Variants in MGAT4C observed in about 807,000 individuals in gnomAD.
MGAT4C encodes MGAT4 family member C.
In MGAT4C, 19 loss-of-function variants were observed where a neutral mutation model predicts 40.1. The observed-to-expected ratio is 0.47, with a 90% confidence interval of 0.33 to 0.70. MGAT4C has a LOEUF of 0.70. Ranked by LOEUF, MGAT4C falls within the 30% of genes least tolerant of loss-of-function variation. The probability of loss-of-function intolerance (pLI) is 0.02; values close to 1 mark genes in which losing one functional copy is unlikely to be tolerated. For missense variants in MGAT4C, 491 were observed against 563.2 expected, an observed-to-expected ratio of 0.87 and a Z score of 1.30; for synonymous variants, 181 against 187.1, an observed-to-expected ratio of 0.97 and a Z score of 0.27.
intron 1 of MGAT4C, among the ~76,000 whole-genome samples, chr12:86,122,601 A>G (rs1162058754): frequency 6.6e-6 from 1 of 152,162 alleles, no homozygotes; most frequent in African/African-American, 2.4e-5. Context: ...ATGAAAGTAA[A>G]CATTATACTA....
intron 1 of MGAT4C, among the ~76,000 whole-genome samples, chr12:86,739,028 C>T (rs943408610): frequency 4.2e-5 from 6 of 142,352 alleles, no homozygotes; most frequent in Non-Finnish European, 6.1e-5. Flanking sequence ...AAATGATTGT[C>T]GTTAGGGTAT....
intron 1 of MGAT4C, among the ~76,000 whole-genome samples, chr12:86,759,533 CCTTA>C (rs1443573882): frequency 6.6e-6 from 1 of 152,186 alleles, no homozygotes; most frequent in East Asian, 1.9e-4. Context: ...TTCTCCACAT[CCTTA>C]CTAACACTTG....
At chr12:86,794,673 T>C (rs1952081207) in intron 1 of MGAT4C, among the ~76,000 whole-genome samples, 1 of 152,040 alleles carries the variant, frequency 6.6e-6, no homozygotes, top group South Asian at 2.1e-4. Flanking sequence ...TGTTTGGAAG[T>C]ATTCTCTGAG....
chr12:86,023,762 A>G (rs1161592122), intron 2 of MGAT4C, among the ~76,000 whole-genome samples: 1 of 151,640 alleles, frequency 6.6e-6, no homozygotes, highest in Admixed American at 6.6e-5. Context: ...AATTGACTAT[A>G]ATATTTGCAT....
chr12:86,633,939 A>C (rs1478839899), intron 2 of MGAT4C, among the ~76,000 whole-genome samples: 2 of 152,062 alleles, frequency 1.3e-5, no homozygotes, highest in Non-Finnish European at 2.9e-5. Context: ...CGCAATGGGC[A>C]ACAGGTGAAA....
At chr12:86,668,990 G>A (rs934963030) in intron 2 of MGAT4C, among the ~76,000 whole-genome samples, 2 of 151,982 alleles carry the variant, frequency 1.3e-5, no homozygotes, top group Non-Finnish European at 2.9e-5. Context: ...ATAGATCATG[G>A]CACAGATCTT....
intron 1 of MGAT4C, among the ~76,000 whole-genome samples, chr12:86,831,314 G>T (rs562379804): frequency 6.6e-6 from 1 of 151,712 alleles, no homozygotes; most frequent in African/African-American, 2.4e-5. Context: ...TATGTAGAGG[G>T]AGGGTGTCAG....
chr12:86,229,180 C>T (rs1951215502), intron 1 of MGAT4C, among the ~76,000 whole-genome samples: 1 of 151,746 alleles, frequency 6.6e-6, no homozygotes, highest in Non-Finnish European at 1.5e-5. Flanking sequence ...TAGCTGTTCT[C>T]TCTCAATGAT....
chr12:86,697,248 C>T (rs1950275478), intron 2 of MGAT4C, among the ~76,000 whole-genome samples: 1 of 151,900 alleles, frequency 6.6e-6, no homozygotes, highest in Non-Finnish European at 1.5e-5. Context: ...AATATTTCTC[C>T]CTGTTTGTAG....
At chr12:86,404,026 T>G (rs1956418227) in intron 3 of MGAT4C, among the ~76,000 whole-genome samples, 2 of 152,254 alleles carry the variant, frequency 1.3e-5, no homozygotes, top group South Asian at 4.1e-4. Context: ...GACTGTACAT[T>G]AAAACCTTTC....
At chr12:86,366,128 G>A (rs1356913436) in intron 3 of MGAT4C, among the ~76,000 whole-genome samples, 1 of 152,012 alleles carries the variant, frequency 6.6e-6, no homozygotes, top group Non-Finnish European at 1.5e-5. Context: ...GAATTCCCAG[G>A]TATTTCATTT....
At chr12:86,197,458 C>T (rs929338807) in intron 1 of MGAT4C, among the ~76,000 whole-genome samples, 1 of 152,042 alleles carries the variant, frequency 6.6e-6, no homozygotes, top group African/African-American at 2.4e-5. Flanking sequence ...CAGGGTGGAG[C>T]CCTCATGATT....
intron 2 of MGAT4C, among the ~76,000 whole-genome samples, chr12:86,033,079 G>C (rs1179756261): frequency 1.3e-5 from 2 of 149,300 alleles, no homozygotes; most frequent in Non-Finnish European, 3.0e-5. Context: ...GGTTTTAGCT[G>C]TGCAGCATTA....
At chr12:86,039,655 G>C (rs1343447769) in intron 2 of MGAT4C, among the ~76,000 whole-genome samples, 1 of 152,074 alleles carries the variant, frequency 6.6e-6, no homozygotes, top group East Asian at 1.9e-4. Context: ...CTTCCTTGCA[G>C]TTGGTTAGAA....
chr12:86,107,264 G>C (rs1876366604), intron 1 of MGAT4C, among the ~76,000 whole-genome samples: 1 of 152,098 alleles, frequency 6.6e-6, no homozygotes, highest in South Asian at 2.1e-4. Context: ...AAAATCAAAT[G>C]CTTTGGTAAC....
At chr12:86,187,927 C>T (rs562547726) in intron 1 of MGAT4C, among the ~76,000 whole-genome samples, 2 of 152,118 alleles carry the variant, frequency 1.3e-5, no homozygotes, top group East Asian at 1.9e-4. Flanking sequence ...CAAATGTTCA[C>T]CAAAAGGCCA....
intron 2 of MGAT4C, among the ~76,000 whole-genome samples, chr12:86,499,643 C>T (rs1465698872): frequency 6.6e-6 from 1 of 151,730 alleles, no homozygotes; most frequent in African/African-American, 2.4e-5. Flanking sequence ...GTTAATGGTA[C>T]CTCAATATTT....
At chr12:86,356,024 T>A (rs1331472675) in intron 3 of MGAT4C, among the ~76,000 whole-genome samples, 1 of 152,096 alleles carries the variant, frequency 6.6e-6, no homozygotes, top group Non-Finnish European at 1.5e-5. Flanking sequence ...TGGTAAGATA[T>A]CTAGATTATA....
At chr12:86,829,070 A>G (rs950779218) in intron 1 of MGAT4C, among the ~76,000 whole-genome samples, 1 of 151,760 alleles carries the variant, frequency 6.6e-6, no homozygotes, top group South Asian at 2.1e-4. Context: ...ATTAATAAAA[A>G]ATGGAAAACT....
Sources: allele counts gnomAD v4.1 joint callset (sites outside exome capture counted in the v4.1 genomes callset), GRCh38; gene constraint gnomAD v4.1.1; transcripts MANE v1.5; gene names NCBI Gene and HGNC (gene_info 2026-07-23, HGNC 2026-07-21).